Variants in SLC35F4 observed in about 807,000 individuals in gnomAD.
SLC35F4 encodes chromosome 14 open reading frame 36.
A neutral mutation model predicts 44.2 loss-of-function variants in SLC35F4; 24 were observed. The ratio of observed to expected loss-of-function variants is 0.54; its 90% CI spans 0.39 to 0.76. The LOEUF is 0.76. Among genes scored for constraint, SLC35F4 ranks in the 30% least tolerant of loss-of-function variants. The pLI is 0.00. For missense variants in SLC35F4, 562 were observed against 586.1 expected, an observed-to-expected ratio of 0.96 and a Z score of 0.42; for synonymous variants, 238 against 223.6, an observed-to-expected ratio of 1.06 and a Z score of -0.57.
At chr14:57,920,509 G>A (rs775489954) in intron 1 of SLC35F4, among the ~76,000 whole-genome samples, 15 of 152,132 alleles carry the variant, frequency 9.9e-5, no homozygotes, top group Non-Finnish European at 1.9e-4. Context: ...GGAGCTCAAG[G>A]CTGCAATGAG....
At chr14:57,964,991 A>AATATATATATATATATATATATAT (rs1212108605) in intron 1 of SLC35F4, among the ~76,000 whole-genome samples, 101 of 115,620 alleles carry the variant, frequency 8.7e-4, no homozygotes, top group African/African-American at 3.5e-3. Flanking sequence ...AAAAAAAAAA[A>AATATATATATATATATATATATAT]ATATATATAT....
At chr14:57,727,938 T>C (rs2076244425) in intron 1 of SLC35F4, among the ~76,000 whole-genome samples, 1 of 152,212 alleles carries the variant, frequency 6.6e-6, no homozygotes, top group Non-Finnish European at 1.5e-5. Context: ...GTTTCTTGGT[T>C]GATTTTCTGT....
At chr14:57,891,751 C>A (rs1888769118) in intron 1 of SLC35F4, among the ~76,000 whole-genome samples, 1 of 152,040 alleles carries the variant, frequency 6.6e-6, no homozygotes, top group Admixed American at 6.6e-5. Flanking sequence ...TGGCATGCAC[C>A]TGTAGTCCCA....
intron 1 of SLC35F4, among the ~76,000 whole-genome samples, chr14:57,598,139 C>T (rs1349278734): frequency 6.6e-6 from 1 of 152,202 alleles, no homozygotes; most frequent in Non-Finnish European, 1.5e-5. Flanking sequence ...TCAGTCTCAT[C>T]TTCTCCATCT....
At chr14:57,752,663 G>A (rs538808279) in intron 1 of SLC35F4, among the ~76,000 whole-genome samples, 24 of 152,088 alleles carry the variant, frequency 1.6e-4, no homozygotes, top group Non-Finnish European at 2.5e-4. Context: ...GTTTCACCAC[G>A]TTGGCCAGGA....
At chr14:57,787,875 T>C (rs1273076263) in intron 1 of SLC35F4, among the ~76,000 whole-genome samples, 1 of 152,068 alleles carries the variant, frequency 6.6e-6, no homozygotes, top group Non-Finnish European at 1.5e-5. Flanking sequence ...AAAACCAAAG[T>C]ACACACGCAA....
chr14:57,672,886 T>C (rs1199859264), intron 1 of SLC35F4, among the ~76,000 whole-genome samples: 1 of 152,010 alleles, frequency 6.6e-6, no homozygotes, highest in African/African-American at 2.4e-5. Flanking sequence ...GGTTTTTTGT[T>C]TTTTTATTTG....
chr14:57,843,549 TG>T (rs1885697566), intron 1 of SLC35F4, among the ~76,000 whole-genome samples: 1 of 152,096 alleles, frequency 6.6e-6, no homozygotes, highest in African/African-American at 2.4e-5. Context: ...TGGGAGTGTC[TG>T]GGTATTGTGA....
At chr14:57,901,075 G>A (rs1333254877) in intron 1 of SLC35F4, among the ~76,000 whole-genome samples, 1 of 152,204 alleles carries the variant, frequency 6.6e-6, no homozygotes, top group Non-Finnish European at 1.5e-5. Flanking sequence ...ATTGGTGAGA[G>A]TTTAAATTAG....
chr14:57,754,793 C>T (rs1260447347), intron 1 of SLC35F4, among the ~76,000 whole-genome samples: 1 of 152,210 alleles, frequency 6.6e-6, no homozygotes, highest in East Asian at 1.9e-4. Flanking sequence ...TCAATATTTT[C>T]TGGTCAGAGG....
chr14:57,655,400 A>G (rs936560117), intron 1 of SLC35F4, among the ~76,000 whole-genome samples: 6 of 152,036 alleles, frequency 3.9e-5, no homozygotes, highest in Non-Finnish European at 5.9e-5. Context: ...GCAACAAGAC[A>G]TCAGGATGTT....
intron 1 of SLC35F4, among the ~76,000 whole-genome samples, chr14:57,827,841 CA>C (rs1483933685): frequency 4.6e-4 from 69 of 150,554 alleles, no homozygotes; most frequent in African/African-American, 1.6e-3. Context: ...ACTTGTTAAA[CA>C]AGAACTTGGA....
intron 1 of SLC35F4, among the ~76,000 whole-genome samples, chr14:57,882,315 T>G (rs1310704204): frequency 6.6e-6 from 1 of 152,108 alleles, no homozygotes; most frequent in East Asian, 1.9e-4. Flanking sequence ...AGAATCCAGG[T>G]GAAAATCAGG....
intron 1 of SLC35F4, among the ~76,000 whole-genome samples, chr14:57,896,872 T>C (rs1474550427): frequency 6.6e-6 from 1 of 151,212 alleles, no homozygotes. Flanking sequence ...AATCCCAGCA[T>C]GGGATTTGGG....
At chr14:57,944,701 AAGAAAGAAAG>A (rs1035388546) in intron 1 of SLC35F4, among the ~76,000 whole-genome samples, 3 of 74,420 alleles carry the variant, frequency 4.0e-5, no homozygotes, top group Non-Finnish European at 9.1e-5. Flanking sequence ...AAAGAAAAGA[AAGAAAGAAAG>A]AAAGAAAGAA....
chr14:57,798,006 C>A (rs1177388352), intron 1 of SLC35F4, among the ~76,000 whole-genome samples: 1 of 150,854 alleles, frequency 6.6e-6, no homozygotes, highest in Non-Finnish European at 1.5e-5. Context: ...TAGGTCGTCA[C>A]TCATCAGTCT....
intron 1 of SLC35F4, among the ~76,000 whole-genome samples, chr14:57,831,930 G>A (rs900611119): frequency 3.9e-5 from 6 of 152,236 alleles, no homozygotes; most frequent in Non-Finnish European, 5.9e-5. Context: ...GTGTATATCC[G>A]TGTCTTCACA....
intron 1 of SLC35F4, among the ~76,000 whole-genome samples, chr14:57,763,410 T>C (rs193290095): frequency 3.1e-4 from 47 of 152,276 alleles, no homozygotes; most frequent in African/African-American, 9.9e-4. Context: ...GAATATCAAA[T>C]ATTCAGAGGC....
intron 1 of SLC35F4, among the ~76,000 whole-genome samples, chr14:57,813,291 T>A: frequency 6.6e-6 from 1 of 152,296 alleles, no homozygotes; most frequent in South Asian, 2.1e-4. Flanking sequence ...TTAATACTTA[T>A]AAAAAGTACT....
Sources: gnomAD v4.1 joint callset for allele counts (sites outside exome capture counted in the v4.1 genomes callset) on GRCh38, gnomAD v4.1.1 for gene constraint, MANE v1.5 for transcripts, NCBI Gene and HGNC (gene_info 2026-07-23, HGNC 2026-07-21) for gene names.